The following WDR45B variants were observed in gnomAD, a reference collection of about 807,000 sequenced individuals.
The protein encoded by WDR45B is WD repeat domain phosphoinositide-interacting protein 3.
A neutral mutation model predicts 44.6 loss-of-function variants in WDR45B; 20 were observed. The ratio of observed to expected loss-of-function variants is 0.45; its 90% CI spans 0.32 to 0.65. The LOEUF (loss-of-function observed/expected upper bound fraction) is 0.65, where lower values mean the gene tolerates loss of function less well. WDR45B is among the 30% of genes least tolerant of loss of function. The pLI is 0.05. For synonymous variants in WDR45B, 169 were observed against 164.9 expected, an observed-to-expected ratio of 1.02 and a Z score of -0.19; for missense variants, 323 against 430.2, an observed-to-expected ratio of 0.75 and a Z score of 2.20.
chr17:82,643,533 C>G (rs1040110510), intron 2 of WDR45B, among the ~76,000 whole-genome samples: 1 of 152,068 alleles, frequency 6.6e-6, no homozygotes, highest in Non-Finnish European at 1.5e-5. Flanking sequence ...CTCAAACGTA[C>G]ACAGCATGGA....
chr17:82,641,035 G>A (rs1283235138), intron 2 of WDR45B, among the ~76,000 whole-genome samples: 1 of 136,518 alleles, frequency 7.3e-6, no homozygotes, highest in African/African-American at 2.8e-5. Flanking sequence ...GCGCAATCTC[G>A]GCTCACTGCA....
At chr17:82,618,060 G>A (rs1418079992) in intron 7 of WDR45B, among the ~76,000 whole-genome samples, 1 of 151,912 alleles carries the variant, frequency 6.6e-6, no homozygotes, top group East Asian at 1.9e-4. Context: ...CTGCCTAGTA[G>A]CTGGGATTAC....
intron 2 of WDR45B, among the ~76,000 whole-genome samples, chr17:82,641,652 T>C (rs1426183391): frequency 6.6e-6 from 1 of 152,122 alleles, no homozygotes; most frequent in Non-Finnish European, 1.5e-5. Context: ...ATCCCAGCAC[T>C]TTGGGAGGAC....
chr17:82,634,497 A>T lies in WDR45B; in HGVS notation c.143-3475T>A, dbSNP rs565998967. 1.2e-3 allele frequency among the ~76,000 whole-genome samples: 180 copies of T among 150,654 alleles called. 1 individual carries two copies. Among genetic ancestry groups the T allele is most frequent in the African/African-American group, 4.0e-3 (159 of 40,064 alleles). On this transcript the variant is annotated intron_variant, in intron 2 of 9. Coordinates refer to ENST00000392325, the MANE Select transcript of WDR45B (RefSeq NM_019613.4). ...ACAGGGCGAGACTCTGTCTCAAAAA[A>T]AAAGAAAAAAACAAAGTTACCATAT...
At chr17:82,639,401 T>G (rs1405040642) in intron 2 of WDR45B, among the ~76,000 whole-genome samples, 1 of 152,028 alleles carries the variant, frequency 6.6e-6, no homozygotes, top group Non-Finnish European at 1.5e-5. Context: ...ACATCTATAA[T>G]GAACACAGCT....
chr17:82,637,000 T>TA (rs2045841318), intron 2 of WDR45B, among the ~76,000 whole-genome samples: 1 of 152,088 alleles, frequency 6.6e-6, no homozygotes, highest in East Asian at 1.9e-4. Flanking sequence ...GCGTTCAGGA[T>TA]AAAAACCCCC....
chr17:82,628,205 C>A (rs1452219526), intron 3 of WDR45B, among the ~76,000 whole-genome samples: 1 of 152,152 alleles, frequency 6.6e-6, no homozygotes, highest in African/African-American at 2.4e-5. Context: ...GTTGTCCAGG[C>A]TGGTCTCGAA....
intron 5 of WDR45B, 32 bp downstream of exon 5, chr17:82,625,357 T>C (rs2045681077): frequency 6.2e-7 from 1 of 1,605,726 alleles, no homozygotes; most frequent in South Asian, 1.1e-5. Flanking sequence ...TGGACCCATT[T>C]CCCATCGCCA....
intron 2 of WDR45B, among the ~76,000 whole-genome samples, chr17:82,632,906 C>T (rs1016899451): frequency 1.3e-5 from 2 of 152,172 alleles, no homozygotes; most frequent in African/African-American, 4.8e-5. Flanking sequence ...CAGTGGCTCA[C>T]GCCTGTAATC....
intron 1 of WDR45B, among the ~76,000 whole-genome samples, chr17:82,644,958 C>T (rs1352430821): frequency 6.6e-6 from 1 of 152,096 alleles, no homozygotes; most frequent in Admixed American, 6.5e-5. Flanking sequence ...GTCAGGAGTT[C>T]GAGACCACCC....
chr17:82,617,421 C>CA, intron 7 of WDR45B, 24 bp from the exon 8 acceptor site: 1 of 1,612,260 alleles, frequency 6.2e-7, no homozygotes, highest in Non-Finnish European at 8.5e-7. Context: ...CAGCACAGCT[C>CA]AGGCCTTGTG....
At chr17:82,644,652 A>C (rs975309275) in intron 1 of WDR45B, 24 of 160,430 alleles carry the variant, frequency 1.5e-4, no homozygotes, top group African/African-American at 5.1e-4. Flanking sequence ...TAAAGCACTT[A>C]AGTGCGTAGA....
chr17:82,641,979 G>A (rs1171131244), intron 2 of WDR45B, among the ~76,000 whole-genome samples: 1 of 151,934 alleles, frequency 6.6e-6, no homozygotes, highest in Non-Finnish European at 1.5e-5. Context: ...AAAGAAAAAT[G>A]AATTTTGAAG....
Position 82,616,635 on chromosome 17 carries a change from C to T in WDR45B, c.817G>A (p.Ala273Thr). The T allele has an allele frequency of 6.2e-7, 1 of 1,614,144 alleles. No homozygotes were observed. The highest frequency in any genetic ancestry group is 8.5e-7 in the Non-Finnish European group (1 of 1,180,012). Residue 273 changes from alanine (A) to threonine (T), a missense_variant, in exon 9 of 10, where the codon GCC becomes ACC. Transcript: ENST00000392325. Reference sequence around the variant, plus strand: ...CTGAAGTATTTTGGAAGGAAACTGGCTGAGGCCAAACTGTGAAGACAAGAA... The same window carrying T: ...CTGAAGTATTTTGGAAGGAAACTGGTTGAGGCCAAACTGTGAAGACAAGAA... ...KRNKQSSLAS[A>T]SFLPKYFSSK...
chr17:82,615,986 T>C lies in WDR45B; in HGVS notation c.968A>G (p.Asn323Ser), dbSNP rs574188572. 1.3e-5 allele frequency: 21 copies of C among 1,613,542 alleles called. No homozygotes were observed. The highest frequency in any genetic ancestry group is 7.7e-5 in the South Asian group (7 of 91,044). The stretch of plus-strand genomic sequence containing the variant: ...ATCTCGGATGCACTCCCCCTTGGGG[T>C]TGAACAGGAATTTGTAGTAGCTGCC... The part of the protein sequence containing the change: ...ADGSYYKFLF[N>S]PKGECIRDVY... The change falls in exon 10 of 10, where the codon AAC becomes AGC. Residue 323 changes from asparagine to serine, a missense_variant. By Grantham distance (46) the Asn-to-Ser change is conservative. Coordinates refer to ENST00000392325, the MANE Select transcript of WDR45B (RefSeq NM_019613.4).
chr17:82,627,840 A>T (rs1285694216), intron 3 of WDR45B, among the ~76,000 whole-genome samples: 1 of 152,256 alleles, frequency 6.6e-6, no homozygotes, highest in Non-Finnish European at 1.5e-5. Flanking sequence ...CTGAGCCCAT[A>T]GGCAAGCCTG....
chr17:82,638,651 C>T (rs916476380), intron 2 of WDR45B, among the ~76,000 whole-genome samples: 9 of 151,950 alleles, frequency 5.9e-5, no homozygotes, highest in Non-Finnish European at 1.3e-4. Flanking sequence ...GCACTTGAGG[C>T]TAATAACCTT....
intron 2 of WDR45B, among the ~76,000 whole-genome samples, chr17:82,632,643 T>C (rs891151811): frequency 6.6e-6 from 1 of 152,064 alleles, no homozygotes; most frequent in African/African-American, 2.4e-5. Flanking sequence ...CCCACCCACT[T>C]CTGTGTCTGC....
chr17:82,647,646 G>A (rs905570337), intron 1 of WDR45B, among the ~76,000 whole-genome samples: 1 of 152,124 alleles, frequency 6.6e-6, no homozygotes, highest in African/African-American at 2.4e-5. Context: ...GAAAAATCCC[G>A]GGGAGTGGGG....
Sources: allele counts gnomAD v4.1 joint callset (sites outside exome capture counted in the v4.1 genomes callset), GRCh38; gene constraint gnomAD v4.1.1; transcripts MANE v1.5; gene names NCBI Gene and HGNC (gene_info 2026-07-23, HGNC 2026-07-21).